MTMR10: variants seen among roughly 807,000 people sequenced by gnomAD.
MTMR10 encodes the protein myotubularin-related protein 10.
Under a neutral mutation model 88.1 loss-of-function variants are expected in MTMR10, and 56 were observed. That is an observed-to-expected ratio of 0.64 (90% confidence interval 0.51 to 0.79). MTMR10 has a LOEUF of 0.79. MTMR10 is among the 30% of genes least tolerant of loss of function. The pLI is 0.00. For missense variants in MTMR10, 883 were observed against 924.7 expected, an observed-to-expected ratio of 0.95 and a Z score of 0.58; for synonymous variants, 380 against 340.9, an observed-to-expected ratio of 1.11 and a Z score of -1.26.
chr15:30,927,349 C>G, the MTMR10 span: 3 of 985,522 alleles, frequency 3.0e-6, no homozygotes, highest in Non-Finnish European at 3.6e-6. Flanking sequence ...ATGAAGTGTT[C>G]TAGGAAGAAA....
the MTMR10 span, among the ~76,000 whole-genome samples, chr15:30,932,317 T>G: frequency 7.9e-5 from 12 of 152,112 alleles, no homozygotes; most frequent in Admixed American, 2.0e-4. Flanking sequence ...TTAACAGCAT[T>G]ATTTTGATCA....
chr15:30,980,774 A>G (rs373344113), intron 2 of MTMR10, among the ~76,000 whole-genome samples: 1 of 152,210 alleles, frequency 6.6e-6, no homozygotes, highest in Non-Finnish European at 1.5e-5. Flanking sequence ...CGGCATTTCC[A>G]AAGGATACAA....
intron 9 of MTMR10, among the ~76,000 whole-genome samples, chr15:30,955,216 T>A (rs973771190): frequency 6.6e-6 from 1 of 152,238 alleles, no homozygotes; most frequent in Non-Finnish European, 1.5e-5. Flanking sequence ...TGCAGAATGC[T>A]GCCATTCACC....
chr15:30,980,744 G>A (rs2030511697), intron 2 of MTMR10, among the ~76,000 whole-genome samples: 1 of 151,604 alleles, frequency 6.6e-6, no homozygotes, highest in Admixed American at 6.6e-5. Flanking sequence ...TGGAAGTGGG[G>A]GTGAAGAAAA....
At position 30,940,300 on chromosome 15, in the gene MTMR10, CA is replaced by C; in HGVS notation, c.*1169del. 1 of 985,362 alleles carries C rather than the reference CA, an allele frequency of 1.0e-6. No individual in the cohort carries two copies. Among genetic ancestry groups the C allele is most frequent in the Non-Finnish European group, 1.2e-6 (1 of 829,908 alleles). The allele number at this position is 985,362 out of a possible 1,614,324, so 61.0% of individuals were successfully genotyped here. A position where few individuals can be genotyped will look rare whatever the true frequency, so the allele number is the denominator to read the frequency against. ...TACTTTACTTTAGAGAGATTCAGAT[CA>C]AGCAAACAACTGTGTCTGCTCATTC... On this transcript the variant is annotated 3_prime_UTR_variant, in exon 16 of 16. Coordinates refer to ENST00000435680, the MANE Select transcript of MTMR10 (RefSeq NM_017762.3).
Position 30,941,446 on chromosome 15 carries a change from A to T in MTMR10, c.*24T>A. ...AGGAAAAAAGTTGACAGCTTCCCTC[A>T]AAATGTTCAGAAAACACCCTATTTT... On this transcript the variant is annotated 3_prime_UTR_variant, in exon 16 of 16. Coordinates refer to ENST00000435680, the MANE Select transcript of MTMR10 (RefSeq NM_017762.3). The T allele has an allele frequency of 6.3e-7, 1 of 1,579,462 alleles. No individual in the cohort carries two copies.
chr15:30,931,941 G>A, the MTMR10 span, among the ~76,000 whole-genome samples: 25 of 151,138 alleles, frequency 1.7e-4, no homozygotes, highest in Non-Finnish European at 2.7e-4. Flanking sequence ...AGCCAGCTGA[G>A]GCCGGGTACG....
rs1362622207 is a variant in MTMR10, at chr15:30,977,036, A to T, written c.122-81T>A. ...TTGTGGGACCTAGAAGGAGTGTTTC[A>T]TGAGGGCAAGGATGAGGATAGTGAA... On this transcript the variant is annotated intron_variant, in intron 2 of 15. Coordinates refer to ENST00000435680, the MANE Select transcript of MTMR10 (RefSeq NM_017762.3). 3 of 1,345,768 alleles carry T rather than the reference A, an allele frequency of 2.2e-6. No individual in the cohort carries two copies. In the African/African-American group the frequency reaches 4.3e-5, roughly 19 times the overall value. 83.4% of individuals were successfully genotyped at this position (1,345,768 alleles called of 1,614,324 possible).
chr15:30,928,601 T>C, the MTMR10 span: 2 of 1,613,618 alleles, frequency 1.2e-6, no homozygotes, highest in Non-Finnish European at 1.7e-6. Flanking sequence ...GGCCTCCTCC[T>C]GTGGGACATC....
the MTMR10 span, chr15:30,925,972 GC>G: frequency 6.2e-7 from 1 of 1,610,208 alleles, no homozygotes; most frequent in Non-Finnish European, 8.5e-7. Flanking sequence ...GTGGCACCCA[GC>G]CCCGGGTGGA....
chr15:30,941,168 C>G lies in MTMR10; in HGVS notation c.*302G>C. 7.6e-7 allele frequency: 1 copy of G among 1,322,706 alleles called. No individual in the cohort carries two copies. The highest frequency in any genetic ancestry group is 9.9e-7 in the Non-Finnish European group (1 of 1,011,624). 81.9% of individuals were successfully genotyped at this position (1,322,706 alleles called of 1,614,324 possible). On this transcript the variant is annotated 3_prime_UTR_variant, in exon 16 of 16. Transcript: ENST00000435680. ...GCTAATGTGACTGACTATCAGATAG[C>G]CTTCAGGAGGTGGTAGGAAAAATGG...
At position 30,940,395 on chromosome 15, in the gene MTMR10, T is replaced by C; in HGVS notation, c.*1075A>G. The C allele has an allele frequency of 2.0e-6, 2 of 985,440 alleles. No homozygotes were observed. The highest frequency in any genetic ancestry group is 2.4e-6 in the Non-Finnish European group (2 of 829,948). 61.0% of individuals were successfully genotyped at this position (985,440 alleles called of 1,614,324 possible). On this transcript the variant is annotated 3_prime_UTR_variant, in exon 16 of 16. Transcript: ENST00000435680. ...CTGTCGCTATTCAAATGGCAGTGTT[T>C]TGAGAGAATCCATTTTTTTATTTCT...
At chr15:30,962,280 T>C (rs1238976155) in intron 6 of MTMR10, among the ~76,000 whole-genome samples, 1 of 152,222 alleles carries the variant, frequency 6.6e-6, no homozygotes, top group African/African-American at 2.4e-5. Flanking sequence ...GTCAGCCAGA[T>C]CTACCTTGGC....
At chr15:30,950,727 G>A (rs1202177158) in intron 12 of MTMR10, among the ~76,000 whole-genome samples, 1 of 151,854 alleles carries the variant, frequency 6.6e-6, no homozygotes, top group Non-Finnish European at 1.5e-5. Flanking sequence ...CATATACTAT[G>A]CAACATGAGT....
intron 7 of MTMR10, among the ~76,000 whole-genome samples, chr15:30,960,164 G>T (rs1008787504): frequency 2.0e-5 from 3 of 152,148 alleles, no homozygotes; most frequent in South Asian, 2.1e-4. Context: ...CTCCCTCCCA[G>T]TGCAAAACTA....
chr15:30,922,359 T>G, the MTMR10 span: 1 of 1,595,132 alleles, frequency 6.3e-7, no homozygotes, highest in Non-Finnish European at 8.5e-7. Context: ...GAACCGGTAC[T>G]CAGTAACAAA....
intron 12 of MTMR10, chr15:30,949,873 A>G (rs1398644781): frequency 6.6e-6 from 1 of 152,256 alleles, no homozygotes; most frequent in Non-Finnish European, 1.5e-5. Context: ...AAAAGGCCAC[A>G]TATTGTATGA....
Position 30,939,916 on chromosome 15 carries a change from A to T in MTMR10, c.*1554T>A. ...TGGCAAAAACCTTGGGTTTACCCATAAAGTGAATTTCTTAAGATATTTTTT... is the reference window on the plus strand; with the variant it reads ...TGGCAAAAACCTTGGGTTTACCCATTAAGTGAATTTCTTAAGATATTTTTT... On this transcript the variant is annotated 3_prime_UTR_variant, in exon 16 of 16. Transcript: ENST00000435680. 1.0e-6 allele frequency: 1 copy of T among 985,420 alleles called. No homozygotes were observed. Among genetic ancestry groups the T allele is most frequent in the Non-Finnish European group, 1.2e-6 (1 of 829,882 alleles). The allele number at this position is 985,420 out of a possible 1,614,324, so 61.0% of individuals were successfully genotyped here. A position where few individuals can be genotyped will look rare whatever the true frequency, so the allele number is the denominator to read the frequency against.
rs750180100 is a variant in MTMR10, at chr15:30,948,308, C to T, written c.1371G>A (p.Glu457=). 1 of 1,610,850 alleles carries T rather than the reference C, an allele frequency of 6.2e-7. No homozygotes were observed. Among genetic ancestry groups the T allele is most frequent in the East Asian group, 2.2e-5 (1 of 44,840 alleles). ...GGCATCAAGATTTTGTTACCTCTTT[C>T]TCTGATCTCTTTAGATGGTTGCATC... The part of the protein sequence containing the change: ...LDRCNHLKRS[E]KESPLFLLFL... Residue 457 remains glutamate (E), a synonymous_variant, in exon 13 of 16, where the codon GAG becomes GAA. Transcript: ENST00000435680.
Sources: gnomAD v4.1 joint callset for allele counts (sites outside exome capture counted in the v4.1 genomes callset) on GRCh38, gnomAD v4.1.1 for gene constraint, MANE v1.5 for transcripts, NCBI Gene and HGNC (gene_info 2026-07-23, HGNC 2026-07-21) for gene names.